Variants in CSMD3 observed in about 807,000 individuals in gnomAD.
CSMD3 encodes CUB and Sushi multiple domains 3.
CSMD3 carries 177 observed loss-of-function variants against 435.2 expected under a neutral mutation model. The ratio of observed to expected loss-of-function variants is 0.41; its 90% CI spans 0.36 to 0.46. The LOEUF is 0.46. Ranked by LOEUF, CSMD3 falls within the 20% of genes least tolerant of loss-of-function variation. The pLI is 0.34. For synonymous variants in CSMD3, 1,656 were observed against 1,520.5 expected (o/e 1.09, Z -2.07); for missense variants, 4,265 against 4,504.6 (o/e 0.95, Z 1.52).
intron 4 of CSMD3, among the ~76,000 whole-genome samples, chr8:113,144,650 G>A (rs1392859054): frequency 1.3e-5 from 2 of 150,882 alleles, no homozygotes; most frequent in Non-Finnish European, 3.0e-5. Context: ...TTCTTACTCT[G>A]TGCCCCCTAG....
chr8:113,031,243 C>T (rs550002897), intron 5 of CSMD3, among the ~76,000 whole-genome samples: 2 of 151,726 alleles, frequency 1.3e-5, no homozygotes, highest in Middle Eastern at 3.4e-3. Context: ...TTAAAGAACA[C>T]AAATGGTCTA....
intron 4 of CSMD3, among the ~76,000 whole-genome samples, chr8:113,155,315 C>T (rs767146752): frequency 1.1e-4 from 16 of 151,998 alleles, no homozygotes; most frequent in Non-Finnish European, 2.1e-4. Flanking sequence ...AGGGCAACTG[C>T]AACAAGAGTC....
At position 112,336,750 on chromosome 8, in the gene CSMD3, T is replaced by C. The variant is rs1433016708; in HGVS notation, c.6921A>G (p.Gln2307=). 1.2e-6 allele frequency: 2 copies of C among 1,613,396 alleles called. No individual in the cohort carries two copies. The highest frequency in any genetic ancestry group is 2.2e-5 in the East Asian group (1 of 44,784). ...PGYPDEYPNF[Q]DCFWLVRVPP... ...GTACTCTTACAAGCCAAAAACAATC[T>C]TGAAAGTTTGGATATTCATCAGGAT... The change falls in exon 44 of 71, where the codon CAA becomes CAG. Residue 2307 remains glutamine (Q), a synonymous_variant. Transcript: ENST00000297405.
At chr8:113,429,522 T>A (rs2094657638) in intron 1 of CSMD3, among the ~76,000 whole-genome samples, 1 of 152,044 alleles carries the variant, frequency 6.6e-6, no homozygotes, top group African/African-American at 2.4e-5. Flanking sequence ...TTACTGAAGA[T>A]ACAATTAGTT....
intron 12 of CSMD3, among the ~76,000 whole-genome samples, chr8:112,828,691 T>C (rs540870554): frequency 1.2e-4 from 18 of 152,324 alleles, no homozygotes; most frequent in African/African-American, 3.6e-4. Context: ...ATATAAAGCA[T>C]GTAAAATGCT....
intron 32 of CSMD3, among the ~76,000 whole-genome samples, chr8:112,445,883 A>T (rs1167097702): frequency 6.6e-6 from 1 of 152,184 alleles, no homozygotes; most frequent in Non-Finnish European, 1.5e-5. Context: ...ACAAAAATGC[A>T]CTTAAAGAAT....
chr8:112,750,285 G>A (rs989963575), intron 13 of CSMD3, among the ~76,000 whole-genome samples: 5 of 151,298 alleles, frequency 3.3e-5, no homozygotes, highest in African/African-American at 9.7e-5. Context: ...TGTATAAAAT[G>A]TATAATTTTA....
chr8:112,865,683 ACC>A (rs766539809), intron 10 of CSMD3, among the ~76,000 whole-genome samples: 12,266 of 72,774 alleles, frequency 0.17, 705 homozygotes, highest in East Asian at 0.33. Context: ...ACCTTTACAT[ACC>A]CCACACACAC....
chr8:112,588,513 A>G (rs1308273162), intron 22 of CSMD3, among the ~76,000 whole-genome samples: 1 of 152,180 alleles, frequency 6.6e-6, no homozygotes, highest in East Asian at 1.9e-4. Flanking sequence ...CTTTATTTTA[A>G]TGTTACTTAA....
chr8:113,433,976 C>G (rs1213952534), intron 1 of CSMD3, among the ~76,000 whole-genome samples: 2 of 152,176 alleles, frequency 1.3e-5, no homozygotes, highest in Admixed American at 1.3e-4. Context: ...CAGTTTGGTG[C>G]TCTCCACAGC....
intron 4 of CSMD3, among the ~76,000 whole-genome samples, chr8:113,156,158 G>C (rs137903856): frequency 1.3e-5 from 2 of 152,070 alleles, no homozygotes; most frequent in African/African-American, 4.8e-5. Context: ...TTCTAGGAAA[G>C]GCACATTACT....
At chr8:113,334,310 G>C (rs1321526555) in intron 1 of CSMD3, among the ~76,000 whole-genome samples, 1 of 107,276 alleles carries the variant, frequency 9.3e-6, no homozygotes, top group Non-Finnish European at 1.9e-5. Flanking sequence ...TCCAGCCTGT[G>C]TACCTGTTAC....
rs1815597983 is a variant in CSMD3 at position 112,254,466 on chromosome 8, T to A, written c.10037-140A>T. Reference sequence around the variant, plus strand: ...TAAATAATGTAAATGTAATAACATCTCTCCATGGACAGAAGCCTGTTAATC... The same window carrying A: ...TAAATAATGTAAATGTAATAACATCACTCCATGGACAGAAGCCTGTTAATC... On this transcript the variant is annotated intron_variant, in intron 62 of 70. Transcript: ENST00000297405. 4.3e-6 allele frequency: 3 copies of A among 690,976 alleles called. No homozygotes were observed. In the Admixed American group the frequency reaches 6.4e-5, roughly 15 times the overall value. 42.8% of individuals were successfully genotyped at this position (690,976 alleles called of 1,614,324 possible). A position where few individuals can be genotyped will look rare whatever the true frequency, so the allele number is the denominator to read the frequency against.
chr8:112,617,879 A>G (rs1833779400), intron 22 of CSMD3, among the ~76,000 whole-genome samples: 1 of 152,124 alleles, frequency 6.6e-6, no homozygotes, highest in South Asian at 2.1e-4. Flanking sequence ...TTCAATTTAC[A>G]TACAAAGAAA....
At chr8:113,303,361 C>T (rs989454610) in intron 2 of CSMD3, among the ~76,000 whole-genome samples, 29 of 150,282 alleles carry the variant, frequency 1.9e-4, no homozygotes, top group Non-Finnish European at 2.7e-4. Context: ...GATTCAATGC[C>T]GTCCCCATCA....
At chr8:112,628,492 T>C (rs528145082) in intron 22 of CSMD3, among the ~76,000 whole-genome samples, 1 of 152,168 alleles carries the variant, frequency 6.6e-6, no homozygotes, top group Non-Finnish European at 1.5e-5. Flanking sequence ...TAAACAACAG[T>C]GTGACAGCTG....
chr8:112,282,583 G>T (rs578105653), intron 58 of CSMD3, among the ~76,000 whole-genome samples: 6 of 152,158 alleles, frequency 3.9e-5, no homozygotes, highest in African/African-American at 1.4e-4. Flanking sequence ...TAAAAATCAA[G>T]AATTTCTTTA....
intron 13 of CSMD3, among the ~76,000 whole-genome samples, chr8:112,735,741 C>T (rs1485342023): frequency 6.6e-6 from 1 of 151,898 alleles, no homozygotes; most frequent in African/African-American, 2.4e-5. Flanking sequence ...TTTCAGGCAA[C>T]GTCATTCTCA....
chr8:113,142,904 C>A (rs1360087952), intron 4 of CSMD3, among the ~76,000 whole-genome samples: 1 of 148,416 alleles, frequency 6.7e-6, no homozygotes, highest in Non-Finnish European at 1.5e-5. Flanking sequence ...TATGTACATG[C>A]AAAAATTAAA....
Sources: allele counts gnomAD v4.1 joint callset (sites outside exome capture counted in the v4.1 genomes callset), GRCh38; gene constraint gnomAD v4.1.1; transcripts MANE v1.5; gene names NCBI Gene and HGNC (gene_info 2026-07-23, HGNC 2026-07-21).